Variants in PAK6 observed in about 807,000 individuals in gnomAD.
The protein encoded by PAK6 is p21 (RAC1) activated kinase 6.
A neutral mutation model predicts 60.8 loss-of-function variants in PAK6; 33 were observed. The observed-to-expected ratio is 0.54, with a 90% CI of 0.41 to 0.73. The LOEUF is 0.73. PAK6 is among the 30% of genes least tolerant of loss of function. The pLI is 0.00. For synonymous variants in PAK6, 404 were observed against 378.5 expected (o/e 1.07, Z -0.78); for missense variants, 845 against 904.1 (o/e 0.93, Z 0.84).
intron 2 of PAK6, chr15:40,250,530 C>T (rs1380340423): frequency 6.6e-6 from 1 of 152,128 alleles, no homozygotes; most frequent in African/African-American, 2.4e-5. Context: ...GCCCCAAACC[C>T]ACTGTAGCTC....
intron 10 of PAK6, among the ~76,000 whole-genome samples, chr15:40,274,866 C>T (rs1178436384): frequency 1.3e-5 from 2 of 152,200 alleles, no homozygotes; most frequent in Non-Finnish European, 2.9e-5. Context: ...CAGGTCAGCA[C>T]GGGGCTGCTA....
intron 2 of PAK6, among the ~76,000 whole-genome samples, chr15:40,248,129 G>A (rs1259067568): frequency 8.5e-5 from 13 of 152,188 alleles, no homozygotes; most frequent in Admixed American, 7.9e-4. Context: ...GAGGGCTCCC[G>A]TCCGCAGGAC....
At chr15:40,254,784 T>A (rs564417832) in intron 3 of PAK6, among the ~76,000 whole-genome samples, 1 of 152,354 alleles carries the variant, frequency 6.6e-6, no homozygotes, top group Non-Finnish European at 1.5e-5. Context: ...TCTTCATCTG[T>A]AAAACAGAGC....
At chr15:40,260,885 T>A (rs895013531) in intron 3 of PAK6, among the ~76,000 whole-genome samples, 6 of 131,820 alleles carry the variant, frequency 4.6e-5, no homozygotes, top group African/African-American at 1.7e-4. Context: ...GATATCTTTT[T>A]AAAAATTTCA....
chr15:40,275,761 A>G (rs1381604342), intron 10 of PAK6, among the ~76,000 whole-genome samples, 166 bp from the exon 11 acceptor site: 2 of 152,148 alleles, frequency 1.3e-5, no homozygotes, highest in East Asian at 1.9e-4. Context: ...CCACAGAGCT[A>G]TAGCATCTGA....
chr15:40,276,127 A>T, exon 11 of PAK6: 2 of 1,603,242 alleles, frequency 1.2e-6, no homozygotes, highest in East Asian at 4.5e-5. Context: ...ACCTACGCCC[A>T]CAGGCAGGGC....
At chr15:40,239,961 C>A (rs1452584663) in intron 1 of PAK6, 159 bp downstream of exon 1, 1 of 152,612 alleles carries the variant, frequency 6.6e-6, no homozygotes, top group Non-Finnish European at 1.5e-5. Flanking sequence ...GCTGGGTGGG[C>A]GCAGGCCCTG....
In PAK6 at chr15:40,252,581, A is replaced by C. The variant is rs756696424; in HGVS notation, c.-117-597A>C. The C allele has an allele frequency of 3.7e-6, 5 of 1,358,216 alleles. No homozygotes were observed. In the African/African-American group the frequency reaches 4.4e-5, roughly 12 times the overall value. 84.1% of individuals were successfully genotyped at this position (1,358,216 alleles called of 1,614,324 possible). On this transcript the variant is annotated intron_variant, in intron 2 of 10. Transcript: ENST00000560346. The stretch of plus-strand genomic sequence containing the variant: ...GGTCAGGTGAAGCCGGCGCTGCACC[A>C]ACGTGTAAGCGCGGCCCCTCCTCGG...
chr15:40,252,397 A>C, intron 2 of PAK6: 5 of 1,339,698 alleles, frequency 3.7e-6, no homozygotes, highest in Non-Finnish European at 4.9e-6. Flanking sequence ...GGCGGGCGGG[A>C]ACTGGGGCCA....
At chr15:40,267,298 TG>T (rs1316875367) in intron 5 of PAK6, among the ~76,000 whole-genome samples, 4 of 151,846 alleles carry the variant, frequency 2.6e-5, no homozygotes, top group African/African-American at 4.8e-5. Context: ...GCACAGGGTG[TG>T]GGTTTGGGGA....
exon 11 of PAK6, chr15:40,277,019 G>T (rs187963215): frequency 6.6e-6 from 1 of 152,178 alleles, no homozygotes; most frequent in African/African-American, 2.4e-5. Flanking sequence ...ACTGTGCATC[G>T]TGAGGGCCAG....
chr15:40,251,491 A>C (rs2038667335), intron 2 of PAK6: 1 of 152,476 alleles, frequency 6.6e-6, no homozygotes, highest in South Asian at 2.1e-4. Flanking sequence ...GCGTCTAAAG[A>C]ATCAGTGAAC....
At chr15:40,276,067 C>A (rs1566860206) in exon 11 of PAK6, 1 of 1,613,888 alleles carries the variant, frequency 6.2e-7, no homozygotes, top group East Asian at 2.2e-5. Context: ...TGATCCAGCT[C>A]TACCGAAAGC....
chr15:40,266,892 A>G (rs2039153792), intron 5 of PAK6: 1 of 180,624 alleles, frequency 5.5e-6, no homozygotes. Context: ...CTTGGCAGGC[A>G]GAGTGGAGCG....
chr15:40,260,593 GTTCA>G (rs1352478570), intron 3 of PAK6, among the ~76,000 whole-genome samples: 1 of 151,952 alleles, frequency 6.6e-6, no homozygotes, highest in Non-Finnish European at 1.5e-5. Flanking sequence ...CTCCAACTTC[GTTCA>G]TTAAGATTGT....
At chr15:40,249,627 A>G (rs1566844000) in intron 2 of PAK6, among the ~76,000 whole-genome samples, 1 of 152,156 alleles carries the variant, frequency 6.6e-6, no homozygotes, top group Non-Finnish European at 1.5e-5. Context: ...TCCCCAGAAA[A>G]CTTTTCAAGT....
At chr15:40,255,862 C>G (rs1190480490) in intron 3 of PAK6, among the ~76,000 whole-genome samples, 2 of 152,094 alleles carry the variant, frequency 1.3e-5, no homozygotes, top group Non-Finnish European at 2.9e-5. Context: ...AACTTTGGGC[C>G]AAGGGGAAGG....
chr15:40,250,954 T>C (rs1338968677), intron 2 of PAK6: 1 of 152,512 alleles, frequency 6.6e-6, no homozygotes, highest in Admixed American at 6.5e-5. Flanking sequence ...CCCATGTCCT[T>C]GGGTAACGAA....
intron 10 of PAK6, 51 bp downstream of exon 10, chr15:40,274,327 C>A (rs748832521): frequency 6.6e-7 from 1 of 1,524,446 alleles, no homozygotes; most frequent in Non-Finnish European, 8.8e-7. Flanking sequence ...CCTCCTGAGG[C>A]AAGGGGACCA....
Sources: allele counts gnomAD v4.1 joint callset (sites outside exome capture counted in the v4.1 genomes callset), GRCh38; gene constraint gnomAD v4.1.1; transcripts MANE v1.5; gene names NCBI Gene and HGNC (gene_info 2026-07-23, HGNC 2026-07-21).